Variants in PATL2 observed in about 807,000 individuals in gnomAD.
PATL2 encodes the protein PAT1 homolog 2.
In PATL2, 73 loss-of-function variants were observed where a neutral mutation model predicts 77.0. The ratio of observed to expected loss-of-function variants is 0.95; its 90% confidence interval spans 0.78 to 1.15. PATL2 has a LOEUF of 1.15. PATL2 is among the 50% of genes most tolerant of loss of function. The pLI is 0.00. For synonymous variants in PATL2, 265 were observed against 257.1 expected, an observed-to-expected ratio of 1.03 and a Z score of -0.29; for missense variants, 618 against 655.4, an observed-to-expected ratio of 0.94 and a Z score of 0.62.
chr15:44,670,200 T>C, intron 9 of PATL2, 113 bp from the exon 10 acceptor site: 1 of 1,401,126 alleles, frequency 7.1e-7, no homozygotes, highest in Non-Finnish European at 9.5e-7. Context: ...TTTGTGTGTG[T>C]TATAAGTTTT....
intron 15 of PATL2, among the ~76,000 whole-genome samples, chr15:44,667,993 T>C (rs1465147494): frequency 2.0e-5 from 3 of 152,196 alleles, no homozygotes; most frequent in Non-Finnish European, 4.4e-5. Flanking sequence ...TAGTGTTACA[T>C]GTATTTGATT....
intron 4 of PATL2, chr15:44,676,046 G>T (rs1022849803): frequency 3.2e-6 from 1 of 312,152 alleles, no homozygotes; most frequent in African/African-American, 2.2e-5. Context: ...CAAACAAAAG[G>T]AACCCGGCAG....
In PATL2 at chr15:44,673,339, T is replaced by C. The variant is rs772243895; in HGVS notation, c.342A>G (p.Thr114=). The part of the protein sequence containing the change: ...DYLSPIPFWP[T]FPSTSSPAQH... ...GTGCTGGAGAGCTGGTGCTGGGAAA[T>C]GTAGGCCAGAAAGGGATGGGCGACA... The change falls in exon 7 of 18, where the codon ACA becomes ACG. Residue 114 remains threonine (T), a synonymous_variant. Transcript: ENST00000682850. 1 of 1,551,520 alleles carries C rather than the reference T, an allele frequency of 6.4e-7. No homozygotes were observed. Among genetic ancestry groups the C allele is most frequent in the Non-Finnish European group, 8.7e-7 (1 of 1,146,956 alleles).
At chr15:44,697,942 T>C (rs2086544728) in intron 3 of PATL2, among the ~76,000 whole-genome samples, 1 of 152,064 alleles carries the variant, frequency 6.6e-6, no homozygotes, top group South Asian at 2.1e-4. Flanking sequence ...TCTTGCTATG[T>C]TGCCCAGGCT....
intron 16 of PATL2, 114 bp downstream of exon 16, chr15:44,666,992 C>G: frequency 1.2e-6 from 1 of 821,468 alleles, no homozygotes; most frequent in South Asian, 1.7e-5. Context: ...CTACTACTTT[C>G]TCTATCCAAC....
chr15:44,669,721 T>C, intron 11 of PATL2, 56 bp downstream of exon 11: 1 of 1,538,498 alleles, frequency 6.5e-7, no homozygotes, highest in East Asian at 2.5e-5. Context: ...ACAAGAATGT[T>C]CTAGACCCTT....
intron 3 of PATL2, among the ~76,000 whole-genome samples, chr15:44,705,910 C>T (rs987820093): frequency 6.7e-6 from 1 of 149,240 alleles, no homozygotes; most frequent in East Asian, 2.0e-4. Flanking sequence ...AAGCAATTCT[C>T]CTGCCTCAGC....
At chr15:44,709,243 G>C (rs1466224511) in intron 3 of PATL2, among the ~76,000 whole-genome samples, 3 of 152,124 alleles carry the variant, frequency 2.0e-5, no homozygotes, top group Admixed American at 6.5e-5. Context: ...GATTGTATGA[G>C]AGTTCCAGTT....
chr15:44,708,459 C>T (rs1378343019), intron 3 of PATL2, among the ~76,000 whole-genome samples: 1 of 152,194 alleles, frequency 6.6e-6, no homozygotes, highest in East Asian at 1.9e-4. Flanking sequence ...AAAGTTTCCT[C>T]ATGTTTAGAT....
intron 7 of PATL2, 61 bp from the exon 8 acceptor site, chr15:44,672,517 A>C: frequency 6.8e-7 from 1 of 1,472,798 alleles, no homozygotes; most frequent in Non-Finnish European, 9.3e-7. Flanking sequence ...TGCCCCCTCC[A>C]TTCATTCAGC....
chr15:44,669,874 A>C lies in PATL2; in HGVS notation c.779T>G (p.Val260Gly). Residue 260 changes from valine (V) to glycine (G), a missense_variant and splice_region_variant, in exon 11 of 18, where the codon GTG becomes GGG. Physicochemically the swap from Val to Gly is moderately radical, Grantham distance 109. Coordinates refer to ENST00000682850, the MANE Select transcript of PATL2 (RefSeq NM_001387263.1). ...GCCCAGGGAACCCTCGATTCGGACCACTGCATGAGAAGAGAGGCACATTTC... is the reference window on the plus strand; with the variant it reads ...GCCCAGGGAACCCTCGATTCGGACCCCTGCATGAGAAGAGAGGCACATTTC... The part of the protein sequence containing the change: ...YIPKAEAYES[V>G]VRIEGSLGQV... 2 of 1,551,490 alleles carry C rather than the reference A, an allele frequency of 1.3e-6. No individual in the cohort carries two copies. The highest frequency in any genetic ancestry group is 1.7e-6 in the Non-Finnish European group (2 of 1,146,936).
At chr15:44,699,076 A>AT (rs1392695443) in intron 3 of PATL2, among the ~76,000 whole-genome samples, 2 of 152,168 alleles carry the variant, frequency 1.3e-5, no homozygotes, top group Non-Finnish European at 2.9e-5. Flanking sequence ...TCTTTTGCCC[A>AT]TTTTTAAAAT....
chr15:44,672,437 G>C lies in PATL2; in HGVS notation c.466C>G (p.Pro156Ala). The C allele has an allele frequency of 1.9e-6, 3 of 1,551,640 alleles. No individual in the cohort carries two copies. Among genetic ancestry groups the C allele is most frequent in the Non-Finnish European group, 2.6e-6 (3 of 1,146,958 alleles). Residue 156 changes from proline to alanine, a missense_variant, in exon 8 of 18, where the codon CCT becomes GCT. Transcript: ENST00000682850. ...TGCTGCAAGATTCGTTGGTGCCGAG[G>C]GTGGAGCTGGGTCAGATGACTGGGA... is the stretch of plus-strand genomic sequence containing the variant. ...PRFSHLTQLHPRHQRILQQQQ... is the reference protein window; with the variant it reads ...PRFSHLTQLHARHQRILQQQQ...
At position 44,669,561 on chromosome 15, in the gene PATL2, A is replaced by G; in HGVS notation, c.879T>C (p.Asp293=). 6.4e-7 allele frequency: 1 copy of G among 1,550,980 alleles called. No individual in the cohort carries two copies. Among genetic ancestry groups the G allele is most frequent in the Non-Finnish European group, 8.7e-7 (1 of 1,146,794 alleles). Residue 293 remains aspartate, a splice_region_variant and synonymous_variant, in exon 12 of 18, where the codon GAT becomes GAC. Coordinates refer to ENST00000682850, the MANE Select transcript of PATL2 (RefSeq NM_001387263.1). Reference sequence around the variant, plus strand: ...GCCTCTGACTGCTTGCAGCTTCTATATCCTAGGAGAAGGGAGTCACCAGCT... The same window carrying G: ...GCCTCTGACTGCTTGCAGCTTCTATGTCCTAGGAGAAGGGAGTCACCAGCT... ...DAVPHGTQEQ[D]IEAASSQRLR... is the part of the protein sequence containing the mutation.
chr15:44,668,449 A>G lies in PATL2; in HGVS notation c.1258T>C (p.Cys420Arg), dbSNP rs1566847713. The G allele has an allele frequency of 6.4e-7, 1 of 1,551,278 alleles. No individual in the cohort carries two copies. Among genetic ancestry groups the G allele is most frequent in the East Asian group, 2.4e-5 (1 of 40,910 alleles). ...LQMLFKPLGKCISHLTLHELL... is the reference protein window; with the variant it reads ...LQMLFKPLGKRISHLTLHELL... ...TCGTGGAGGGTCAAGTGACTAATAC[A>G]TTTGCCCAGAGGTTTGAATAACATT... Residue 420 changes from cysteine to arginine, a missense_variant, in exon 15 of 18, where the codon TGT becomes CGT. Cys to Arg is a radical substitution (Grantham distance 180). Transcript: ENST00000682850.
In PATL2 at chr15:44,675,470, C is replaced by T. The variant is rs2085905967; in HGVS notation, c.222+16G>A. ...AGTTCAGGACAACCCTCTCCCATTC[C>T]CTTCTGCCATGGTACCTGGGTGTTG... is the stretch of plus-strand genomic sequence containing the variant. On this transcript the variant is annotated intron_variant, in intron 5 of 17. Transcript: ENST00000682850. 1 of 1,547,848 alleles carries T rather than the reference C, an allele frequency of 6.5e-7. No individual in the cohort carries two copies. Among genetic ancestry groups the T allele is most frequent in the Non-Finnish European group, 8.7e-7 (1 of 1,144,820 alleles).
At chr15:44,672,266 G>A in intron 8 of PATL2, 110 bp from the exon 9 acceptor site, 3 of 1,529,722 alleles carry the variant, frequency 2.0e-6, no homozygotes, top group Non-Finnish European at 2.7e-6. Flanking sequence ...AAGCACAGAG[G>A]TGGGCAACAG....
intron 3 of PATL2, among the ~76,000 whole-genome samples, chr15:44,704,185 G>A (rs1014336463): frequency 1.4e-5 from 2 of 146,328 alleles, no homozygotes; most frequent in South Asian, 4.3e-4. Flanking sequence ...GTAGAGACAA[G>A]CACTTTTGTA....
chr15:44,704,161 T>A (rs1401415937), intron 3 of PATL2, among the ~76,000 whole-genome samples: 2 of 150,984 alleles, frequency 1.3e-5, no homozygotes, highest in Non-Finnish European at 3.0e-5. Flanking sequence ...GCTAATTTTT[T>A]TTTTTTTTTT....
Sources: gnomAD v4.1 joint callset for allele counts (sites outside exome capture counted in the v4.1 genomes callset) on GRCh38, gnomAD v4.1.1 for gene constraint, MANE v1.5 for transcripts, NCBI Gene and HGNC (gene_info 2026-07-23, HGNC 2026-07-21) for gene names.